The following MAGI3 variants were observed in gnomAD, a reference collection of about 807,000 sequenced individuals.
The protein encoded by MAGI3 is membrane-associated guanylate kinase, WW and PDZ domain-containing protein 3.
Under a neutral mutation model 121.8 loss-of-function variants are expected in MAGI3, and 43 were observed. The observed-to-expected ratio is 0.35, with a 90% confidence interval of 0.28 to 0.46. The LOEUF is 0.46. MAGI3 is among the 20% of genes least tolerant of loss of function. The pLI, the probability that MAGI3 is intolerant of heterozygous loss-of-function variation, is 1.00. For missense variants in MAGI3, 1,547 were observed against 1,797.3 expected (o/e 0.86, Z 2.52); for synonymous variants, 553 against 639.3 (o/e 0.86, Z 2.04).
intron 15 of MAGI3, among the ~76,000 whole-genome samples, chr1:113,654,484 A>G (rs1463987946): frequency 1.3e-5 from 2 of 152,232 alleles, no homozygotes; most frequent in Non-Finnish European, 2.9e-5. Context: ...AATAATTGCC[A>G]TAGTCCAGCT....
chr1:113,540,239 C>T (rs958783310), intron 1 of MAGI3, among the ~76,000 whole-genome samples: 3 of 152,118 alleles, frequency 2.0e-5, no homozygotes, highest in African/African-American at 7.2e-5. Context: ...GTCATTTTTG[C>T]ACGTTTAAGA....
At chr1:113,523,542 G>A (rs1038051406) in intron 1 of MAGI3, among the ~76,000 whole-genome samples, 2 of 152,172 alleles carry the variant, frequency 1.3e-5, no homozygotes, top group Non-Finnish European at 2.9e-5. Context: ...CTCTTGTTAT[G>A]TTTTAGCAAA....
intron 6 of MAGI3, among the ~76,000 whole-genome samples, chr1:113,611,479 C>A (rs1437012704): frequency 6.6e-6 from 1 of 152,068 alleles, no homozygotes; most frequent in Non-Finnish European, 1.5e-5. Context: ...CTCTTTCCTC[C>A]CTTCCCTTCC....
chr1:113,431,205 C>T (rs1472554928), intron 1 of MAGI3, among the ~76,000 whole-genome samples: 1 of 152,286 alleles, frequency 6.6e-6, no homozygotes, highest in South Asian at 2.1e-4. Context: ...ATAGTGCTAG[C>T]TACTCAGGAG....
rs146822633 is a variant in MAGI3, at chr1:113,602,465, T to G, written c.1018+7905T>G. Among the ~76,000 whole-genome samples, 4 of 152,278 alleles carry G rather than the reference T, an allele frequency of 2.6e-5. No homozygotes were observed. In the East Asian group the frequency reaches 7.7e-4, roughly 29 times the overall value. On this transcript the variant is annotated intron_variant, in intron 6 of 20. Transcript: ENST00000307546. ...CAAAACCTGAGATACAGCAAAGCAG[T>G]GCTGAGAAGAAAGTTTATAGCACTA...
At chr1:113,534,495 C>A (rs1347729408) in intron 1 of MAGI3, among the ~76,000 whole-genome samples, 1 of 152,122 alleles carries the variant, frequency 6.6e-6, no homozygotes, top group Non-Finnish European at 1.5e-5. Context: ...CTCTATCTAT[C>A]CTCTCCATTC....
chr1:113,637,846 C>A (rs1652144447), intron 9 of MAGI3, among the ~76,000 whole-genome samples: 1 of 152,208 alleles, frequency 6.6e-6, no homozygotes, highest in African/African-American at 2.4e-5. Flanking sequence ...GTTCCATTCT[C>A]CCCATCACTT....
At chr1:113,410,830 A>G (rs115494528) in intron 1 of MAGI3, among the ~76,000 whole-genome samples, 1,840 of 152,218 alleles carry the variant, frequency 0.012, 29 homozygotes, top group Non-Finnish European at 0.018. Flanking sequence ...GAGGATGCCT[A>G]GTAGCTATAG....
chr1:113,517,705 AG>A (rs936534424), intron 1 of MAGI3, among the ~76,000 whole-genome samples: 4 of 151,996 alleles, frequency 2.6e-5, no homozygotes, highest in African/African-American at 9.7e-5. Flanking sequence ...CAAAATCTTT[AG>A]GCTGATCTTA....
In MAGI3 at chr1:113,562,792, G is replaced by A. The variant is rs116065056; in HGVS notation, c.433+13161G>A. 7.4e-4 allele frequency among the ~76,000 whole-genome samples: 113 copies of A among 152,242 alleles called. 2 individuals carry two copies. The highest frequency in any genetic ancestry group is 2.6e-3 in the African/African-American group (108 of 41,538). On this transcript the variant is annotated intron_variant, in intron 2 of 20. Coordinates refer to ENST00000307546, the MANE Select transcript of MAGI3 (RefSeq NM_001142782.2). ...CTGTGCAGCTAATACCATGGCACAC[G>A]TTTATGTAACAAACCTGCACAACCT... is the stretch of plus-strand genomic sequence containing the variant.
chr1:113,454,816 A>G (rs909455325), intron 1 of MAGI3, among the ~76,000 whole-genome samples: 20 of 152,174 alleles, frequency 1.3e-4, no homozygotes, highest in Non-Finnish European at 2.2e-4. Context: ...AGTTCTTACA[A>G]CAGTGCCTGG....
chr1:113,597,099 A>G (rs1351876890), intron 6 of MAGI3, among the ~76,000 whole-genome samples: 1 of 152,230 alleles, frequency 6.6e-6, no homozygotes, highest in African/African-American at 2.4e-5. Flanking sequence ...GAGCAGATAA[A>G]TCAAATGTGC....
At chr1:113,546,050 A>C (rs1471376843) in intron 1 of MAGI3, among the ~76,000 whole-genome samples, 1 of 152,204 alleles carries the variant, frequency 6.6e-6, no homozygotes, top group Non-Finnish European at 1.5e-5. Flanking sequence ...TGCCTGTTCA[A>C]GATATTTACA....
At chr1:113,665,925 A>G (rs1008696277) in intron 16 of MAGI3, among the ~76,000 whole-genome samples, 3 of 152,226 alleles carry the variant, frequency 2.0e-5, no homozygotes, top group Non-Finnish European at 4.4e-5. Context: ...TATTGCAATA[A>G]AGTGAATCAC....
In MAGI3 at chr1:113,602,969, C is replaced by CAT. The variant is rs200872576; in HGVS notation, c.1018+8420_1018+8421dup. Among the ~76,000 whole-genome samples the CAT allele has an allele frequency of 1.0e-2, 1,504 of 150,632 alleles. 39 individuals carry two copies. The highest frequency in any genetic ancestry group is 0.07 in the Admixed American group (1,061 of 15,096). ...AAGTGTGTGTATGTGTATGTATACA[C>CAT]ATATATATATATGTGTATACATACA... On this transcript the variant is annotated intron_variant, in intron 6 of 20. Transcript: ENST00000307546.
intron 1 of MAGI3, among the ~76,000 whole-genome samples, chr1:113,524,952 TC>T (rs978208161): frequency 6.6e-6 from 1 of 152,106 alleles, no homozygotes; most frequent in Non-Finnish European, 1.5e-5. Context: ...GGTGGGTCTT[TC>T]CCATGCTATT....
chr1:113,428,147 A>G (rs747208843), intron 1 of MAGI3, among the ~76,000 whole-genome samples: 28 of 152,066 alleles, frequency 1.8e-4, no homozygotes, highest in Non-Finnish European at 2.8e-4. Flanking sequence ...TCTTAATTTT[A>G]GTGTAGTTCA....
intron 1 of MAGI3, among the ~76,000 whole-genome samples, chr1:113,510,317 A>G (rs904823454): frequency 6.6e-6 from 1 of 151,966 alleles, no homozygotes; most frequent in African/African-American, 2.4e-5. Context: ...CATTTAAGAT[A>G]AACAGAAGTG....
At chr1:113,436,902 C>T (rs1653594028) in intron 1 of MAGI3, among the ~76,000 whole-genome samples, 1 of 150,268 alleles carries the variant, frequency 6.7e-6, no homozygotes, top group Admixed American at 6.6e-5. Context: ...GCAACCTCTG[C>T]CTCCCAGGTT....
Sources: allele counts gnomAD v4.1 joint callset (sites outside exome capture counted in the v4.1 genomes callset), GRCh38; gene constraint gnomAD v4.1.1; transcripts MANE v1.5; gene names NCBI Gene and HGNC (gene_info 2026-07-23, HGNC 2026-07-21).